Variants in APBB1IP observed in about 807,000 individuals in gnomAD.
APBB1IP encodes the protein amyloid beta precursor protein binding family B member 1 interacting protein.
A neutral mutation model predicts 64.9 loss-of-function variants in APBB1IP; 27 were observed. The ratio of observed to expected loss-of-function variants is 0.42; its 90% CI spans 0.31 to 0.57. APBB1IP has a LOEUF of 0.57. Ranked by LOEUF, APBB1IP falls within the 20% of genes least tolerant of loss-of-function variation. The pLI is 0.20. For missense variants in APBB1IP, 812 were observed against 845.5 expected (o/e 0.96, Z 0.49); for synonymous variants, 392 against 331.0 (o/e 1.18, Z -2.00).
At chr10:26,508,853 A>G (rs2132443639) in intron 6 of APBB1IP, among the ~76,000 whole-genome samples, 1 of 152,282 alleles carries the variant, frequency 6.6e-6, no homozygotes, top group East Asian at 1.9e-4. Context: ...ATCATTGCCA[A>G]ATTATGTGGT....
At chr10:26,473,827 C>A (rs1341208469) in intron 2 of APBB1IP, among the ~76,000 whole-genome samples, 1 of 151,954 alleles carries the variant, frequency 6.6e-6, no homozygotes, top group African/African-American at 2.4e-5. Flanking sequence ...CATGGTGAAA[C>A]CCCATCTCTA....
chr10:26,471,491 G>T (rs1589196256), intron 2 of APBB1IP, among the ~76,000 whole-genome samples: 2 of 152,146 alleles, frequency 1.3e-5, no homozygotes, highest in African/African-American at 2.4e-5. Context: ...ACTAAGAAAT[G>T]CAGGAAAAGA....
intron 4 of APBB1IP, among the ~76,000 whole-genome samples, chr10:26,498,140 CTTT>C (rs1009064725): frequency 1.6e-4 from 24 of 152,084 alleles, no homozygotes; most frequent in African/African-American, 5.3e-4. Context: ...TTTTCCTACA[CTTT>C]TTTTATTTGC....
In APBB1IP at chr10:26,567,026, G is replaced by A; in HGVS notation, c.1539G>A (p.Lys513=). ...PAVPRAPHAP[K]SSLPPPPPVR... ...TGCCCCGGGCCCCGCACGCCCCCAAGTCCAGCCTGCCCCCGCCCCCTCCGG... is the reference window on the plus strand; with the variant it reads ...TGCCCCGGGCCCCGCACGCCCCCAAATCCAGCCTGCCCCCGCCCCCTCCGG... The change falls in exon 15 of 15, where the codon AAG becomes AAA. Residue 513 remains lysine, a synonymous_variant. Transcript: ENST00000376236. 1.3e-6 allele frequency: 2 copies of A among 1,560,128 alleles called. No individual in the cohort carries two copies. The highest frequency in any genetic ancestry group is 4.9e-5 in the East Asian group (2 of 40,630).
chr10:26,468,274 T>C (rs1175302253), intron 2 of APBB1IP, among the ~76,000 whole-genome samples: 2 of 152,258 alleles, frequency 1.3e-5, no homozygotes, highest in Non-Finnish European at 2.9e-5. Context: ...TTATTCCTTT[T>C]ATAAAATTAT....
At chr10:26,451,058 G>T (rs745761774) in intron 2 of APBB1IP, among the ~76,000 whole-genome samples, 1 of 152,030 alleles carries the variant, frequency 6.6e-6, no homozygotes, top group Non-Finnish European at 1.5e-5. Context: ...AACTATTATA[G>T]ATTGGCAAAA....
At chr10:26,536,332 C>A in intron 10 of APBB1IP, 115 bp downstream of exon 10, 1 of 1,160,612 alleles carries the variant, frequency 8.6e-7, no homozygotes, top group Non-Finnish European at 1.2e-6. Context: ...ATTCCATAAT[C>A]CTGCAACATG....
At chr10:26,468,197 G>T (rs919616022) in intron 2 of APBB1IP, among the ~76,000 whole-genome samples, 8 of 152,106 alleles carry the variant, frequency 5.3e-5, no homozygotes, top group African/African-American at 1.9e-4. Flanking sequence ...CCTCTCAGGT[G>T]GCCAAGAGCA....
At chr10:26,541,934 C>T (rs1245780359) in intron 11 of APBB1IP, among the ~76,000 whole-genome samples, 1 of 151,968 alleles carries the variant, frequency 6.6e-6, no homozygotes, top group East Asian at 1.9e-4. Context: ...ATGAAAGTTC[C>T]ACATTTTAAA....
intron 2 of APBB1IP, among the ~76,000 whole-genome samples, chr10:26,473,444 T>A (rs1390154473): frequency 6.6e-6 from 1 of 152,228 alleles, no homozygotes; most frequent in Non-Finnish European, 1.5e-5. Context: ...GTATAATAAC[T>A]GCATTTCAGC....
intron 2 of APBB1IP, among the ~76,000 whole-genome samples, chr10:26,449,347 C>T (rs1052858758): frequency 8.6e-5 from 13 of 152,044 alleles, no homozygotes; most frequent in Admixed American, 6.6e-5. Context: ...GAATAAATGA[C>T]TGACACTTTT....
chr10:26,545,574 C>G (rs1056559748), intron 11 of APBB1IP, among the ~76,000 whole-genome samples: 1 of 152,112 alleles, frequency 6.6e-6, no homozygotes, highest in Non-Finnish European at 1.5e-5. Flanking sequence ...TCCTGGCTAA[C>G]ACGGTGAAAC....
At chr10:26,553,365 C>T (rs895693498) in intron 11 of APBB1IP, among the ~76,000 whole-genome samples, 1 of 151,958 alleles carries the variant, frequency 6.6e-6, no homozygotes, top group Non-Finnish European at 1.5e-5. Context: ...AACAACATTC[C>T]TTTCAGCCAG....
chr10:26,537,597 T>C (rs1476724550), intron 10 of APBB1IP, among the ~76,000 whole-genome samples: 2 of 152,158 alleles, frequency 1.3e-5, no homozygotes, highest in Non-Finnish European at 2.9e-5. Context: ...TGCATATAAA[T>C]AAACATATAA....
intron 3 of APBB1IP, among the ~76,000 whole-genome samples, chr10:26,493,050 C>T (rs1835976865): frequency 6.6e-6 from 1 of 152,178 alleles, no homozygotes; most frequent in South Asian, 2.1e-4. Flanking sequence ...GCATTCTTTT[C>T]CCAGGGCTAT....
chr10:26,532,188 A>G (rs1044060935), intron 8 of APBB1IP, among the ~76,000 whole-genome samples: 1 of 151,950 alleles, frequency 6.6e-6, no homozygotes, highest in Non-Finnish European at 1.5e-5. Context: ...TCTGAGATAC[A>G]TTTTCTGCCT....
intron 11 of APBB1IP, among the ~76,000 whole-genome samples, chr10:26,552,735 C>T (rs1836847184): frequency 6.6e-6 from 1 of 152,170 alleles, no homozygotes; most frequent in Non-Finnish European, 1.5e-5. Flanking sequence ...AGTAACTCTC[C>T]TACCTCCTGA....
At chr10:26,511,363 A>T (rs1274748285) in intron 6 of APBB1IP, among the ~76,000 whole-genome samples, 1 of 152,156 alleles carries the variant, frequency 6.6e-6, no homozygotes, top group East Asian at 1.9e-4. Context: ...ATAATAATAA[A>T]GATACAGACA....
intron 6 of APBB1IP, among the ~76,000 whole-genome samples, chr10:26,503,515 G>T (rs911753686): frequency 6.6e-6 from 1 of 151,996 alleles, no homozygotes; most frequent in African/African-American, 2.4e-5. Flanking sequence ...GGTGCCTGTA[G>T]TCCCAGCTAC....
Sources: gnomAD v4.1 joint callset for allele counts (sites outside exome capture counted in the v4.1 genomes callset) on GRCh38, gnomAD v4.1.1 for gene constraint, MANE v1.5 for transcripts, NCBI Gene and HGNC (gene_info 2026-07-23, HGNC 2026-07-21) for gene names.